Variants in SVIL observed in about 807,000 individuals in gnomAD.
The protein encoded by SVIL is archvillin.
SVIL carries 101 observed loss-of-function variants against 240.4 expected under a neutral mutation model. The ratio of observed to expected loss-of-function variants is 0.42; its 90% CI spans 0.36 to 0.50. The LOEUF (loss-of-function observed/expected upper bound fraction) is 0.50, where lower values mean the gene tolerates loss of function less well. Among genes scored for constraint, SVIL ranks in the 20% least tolerant of loss-of-function variants. The pLI is 0.01. For missense variants in SVIL, 2,512 were observed against 2,818.7 expected (o/e 0.89, Z 2.46); for synonymous variants, 999 against 1,100.0 (o/e 0.91, Z 1.82).
At chr10:29,677,307 C>T (rs570996281) in intron 2 of SVIL, among the ~76,000 whole-genome samples, 11 of 152,148 alleles carry the variant, frequency 7.2e-5, no homozygotes, top group Non-Finnish European at 1.6e-4. Flanking sequence ...ATTCCTCCTG[C>T]CCCTTTGTCT....
chr10:29,542,518 C>CT lies in SVIL; in HGVS notation c.828-6450dup, dbSNP rs564908826. 5.1e-4 allele frequency among the ~76,000 whole-genome samples: 76 copies of CT among 149,202 alleles called. 1 individual carries two copies. In the South Asian group the frequency reaches 0.013, roughly 25 times the overall value. The stretch of plus-strand genomic sequence containing the variant: ...ATCTAGGGTGCTTGCCATTTGTTGT[C>CT]TTTTTTTTTTAAATTTTTAATTTCT... On this transcript the variant is annotated intron_variant, in intron 6 of 37. Coordinates refer to ENST00000355867, the MANE Select transcript of SVIL (RefSeq NM_021738.3).
intron 21 of SVIL, among the ~76,000 whole-genome samples, chr10:29,492,306 A>G (rs560217977): frequency 3.2e-4 from 49 of 152,122 alleles, no homozygotes; most frequent in Admixed American, 1.6e-3. Flanking sequence ...ACTGGGAAGA[A>G]AAGCTACCCG....
intron 22 of SVIL, among the ~76,000 whole-genome samples, chr10:29,490,562 A>G (rs1017156221): frequency 1.6e-4 from 24 of 146,780 alleles, no homozygotes; most frequent in African/African-American, 2.6e-4. Flanking sequence ...GAGCCTGGGC[A>G]ATATGATGAA....
intron 36 of SVIL, among the ~76,000 whole-genome samples, chr10:29,459,268 G>A (rs554000791): frequency 1.4e-4 from 21 of 152,206 alleles, no homozygotes; most frequent in East Asian, 7.7e-4. Context: ...GTGCCACCAC[G>A]CGCACCTAAT....
At chr10:29,497,438 G>A (rs7921122) in intron 18 of SVIL, among the ~76,000 whole-genome samples, 7,205 of 152,238 alleles carry the variant, frequency 0.047, 472 homozygotes, top group African/African-American at 0.15. Flanking sequence ...TGCAGGATAT[G>A]AAATAAAGCC....
intron 29 of SVIL, among the ~76,000 whole-genome samples, chr10:29,476,005 G>T (rs944429713): frequency 6.6e-6 from 1 of 152,184 alleles, no homozygotes; most frequent in African/African-American, 2.4e-5. Context: ...ATTTCTTACA[G>T]TATTTTGACT....
rs1262367745 is a variant in SVIL at position 29,461,854 on chromosome 10, T to G, written c.6402+423A>C. ...CATTCATTCAGTTTTCTGAACATAC[T>G]AATTCATCAGATTTCGTTTGTGTCT... On this transcript the variant is annotated intron_variant, in intron 36 of 37. Transcript: ENST00000355867. Among the ~76,000 whole-genome samples, 7 of 152,212 alleles carry G rather than the reference T, an allele frequency of 4.6e-5. No homozygotes were observed. The East Asian group carries it at 1.3e-3, about 29-fold the overall frequency.
chr10:29,471,077 T>C (rs1470606464), intron 31 of SVIL, 61 bp downstream of exon 31: 6 of 1,464,994 alleles, frequency 4.1e-6, no homozygotes, highest in South Asian at 3.6e-5. Flanking sequence ...CCCCAGCTTA[T>C]AAAAATTCTT....
At chr10:29,471,090 C>A (rs1282378791) in intron 31 of SVIL, 48 bp downstream of exon 31, 2 of 1,540,190 alleles carry the variant, frequency 1.3e-6, no homozygotes, top group Non-Finnish European at 1.8e-6. Context: ...AAATTCTTTC[C>A]AAGAGAGGGA....
At chr10:29,502,671 A>ATG (rs150239875) in intron 17 of SVIL, among the ~76,000 whole-genome samples, 46 of 148,200 alleles carry the variant, frequency 3.1e-4, no homozygotes, top group African/African-American at 6.9e-4. Context: ...GTGTATGCAC[A>ATG]TGTGTGTGTG....
chr10:29,654,684 C>T (rs371001023), intron 3 of SVIL, among the ~76,000 whole-genome samples: 28 of 152,264 alleles, frequency 1.8e-4, no homozygotes, highest in Non-Finnish European at 2.4e-4. Flanking sequence ...GTCCCACAAC[C>T]GGTTGTCCTC....
At chr10:29,663,655 T>A (rs919879521) in intron 2 of SVIL, among the ~76,000 whole-genome samples, 1 of 152,216 alleles carries the variant, frequency 6.6e-6, no homozygotes, top group Admixed American at 6.5e-5. Context: ...CATGCCCTGG[T>A]TGAGAGACGC....
chr10:29,596,151 T>G (rs1241102192), intron 1 of SVIL, among the ~76,000 whole-genome samples: 1 of 152,248 alleles, frequency 6.6e-6, no homozygotes, highest in Non-Finnish European at 1.5e-5. Flanking sequence ...TCTGTAGCTA[T>G]GCACCACCAT....
chr10:29,485,960 G>C, intron 26 of SVIL, 125 bp downstream of exon 26: 2 of 1,084,180 alleles, frequency 1.8e-6, no homozygotes, highest in East Asian at 5.1e-5. Flanking sequence ...AGCTGTAAAT[G>C]TTCTACAATG....
chr10:29,580,011 G>C (rs367697621), intron 1 of SVIL, among the ~76,000 whole-genome samples: 34 of 152,010 alleles, frequency 2.2e-4, no homozygotes, highest in East Asian at 5.8e-4. Flanking sequence ...ATCAAGCGTA[G>C]ACCAACAACT....
At chr10:29,534,685 G>C (rs1951617178) in intron 7 of SVIL, among the ~76,000 whole-genome samples, 1 of 152,190 alleles carries the variant, frequency 6.6e-6, no homozygotes, top group Admixed American at 6.5e-5. Context: ...TCAGATCCTG[G>C]CTCAGTCAGG....
chr10:29,580,428 T>C (rs1448441119), intron 1 of SVIL, among the ~76,000 whole-genome samples: 1 of 152,058 alleles, frequency 6.6e-6, no homozygotes, highest in Non-Finnish European at 1.5e-5. Context: ...AATAGGATGG[T>C]GAGGTCAGGA....
At chr10:29,494,166 T>G (rs1232749023) in intron 20 of SVIL, among the ~76,000 whole-genome samples, 2 of 149,712 alleles carry the variant, frequency 1.3e-5, no homozygotes, top group Non-Finnish European at 3.0e-5. Flanking sequence ...AGACCCTGTC[T>G]CTAAAAAACA....
At chr10:29,718,063 C>T (rs943639350) in intron 1 of SVIL, among the ~76,000 whole-genome samples, 4 of 152,120 alleles carry the variant, frequency 2.6e-5, no homozygotes, top group African/African-American at 4.8e-5. Context: ...CGCAGTGGCT[C>T]ACACCTGTAA....
Sources: allele counts gnomAD v4.1 joint callset (sites outside exome capture counted in the v4.1 genomes callset), GRCh38; gene constraint gnomAD v4.1.1; transcripts MANE v1.5; gene names NCBI Gene and HGNC (gene_info 2026-07-23, HGNC 2026-07-21).